Variants in CERKL observed in about 807,000 individuals in gnomAD.
CERKL encodes the protein ceramide kinase-like protein.
A neutral mutation model predicts 63.4 loss-of-function variants in CERKL; 61 were observed. The ratio of observed to expected loss-of-function variants is 0.96; its 90% CI spans 0.78 to 1.19. CERKL has a LOEUF of 1.19. CERKL is among the 50% of genes most tolerant of loss of function. The pLI, the probability that CERKL is intolerant of heterozygous loss-of-function variation, is 0.00. For missense variants in CERKL, 675 were observed against 655.5 expected (o/e 1.03, Z -0.33); for synonymous variants, 250 against 230.5 (o/e 1.08, Z -0.77).
chr2:181,542,982 A>C (rs1013927110), intron 11 of CERKL, among the ~76,000 whole-genome samples: 1 of 152,228 alleles, frequency 6.6e-6, no homozygotes, highest in African/African-American at 2.4e-5. Context: ...GACCTTCCAT[A>C]AACAATTTGT....
chr2:181,613,589 AC>A (rs1294806746), intron 1 of CERKL, among the ~76,000 whole-genome samples: 1 of 152,184 alleles, frequency 6.6e-6, no homozygotes, highest in East Asian at 1.9e-4. Flanking sequence ...AAAAAGAAAA[AC>A]TGTAGGCTTA....
chr2:181,565,401 T>C (rs1688619104), intron 4 of CERKL: 1 of 1,547,984 alleles, frequency 6.5e-7, no homozygotes, highest in African/African-American at 1.4e-5. Context: ...CACCTAATTT[T>C]AAAAAATGGC....
At chr2:181,543,254 T>A (rs745559477) in intron 11 of CERKL, among the ~76,000 whole-genome samples, 1 of 152,248 alleles carries the variant, frequency 6.6e-6, no homozygotes, top group African/African-American at 2.4e-5. Flanking sequence ...TATAGTGCTT[T>A]GGGTTTTTTA....
At chr2:181,551,339 C>G (rs1056906143) in intron 5 of CERKL, among the ~76,000 whole-genome samples, 1 of 151,698 alleles carries the variant, frequency 6.6e-6, no homozygotes, top group Non-Finnish European at 1.5e-5. Flanking sequence ...GAAAACAATC[C>G]CTGCACAGCA....
chr2:181,580,566 G>T (rs1684459954), intron 2 of CERKL, among the ~76,000 whole-genome samples: 1 of 151,984 alleles, frequency 6.6e-6, no homozygotes, highest in Non-Finnish European at 1.5e-5. Flanking sequence ...CATAATAAAG[G>T]ACATTCCTGT....
At chr2:181,651,119 T>C (rs1027623284) in intron 1 of CERKL, among the ~76,000 whole-genome samples, 1 of 152,196 alleles carries the variant, frequency 6.6e-6, no homozygotes, top group African/African-American at 2.4e-5. Flanking sequence ...CCAATATCAA[T>C]TCCTCTCAAA....
chr2:181,613,933 C>A (rs1686080779), intron 1 of CERKL, among the ~76,000 whole-genome samples: 1 of 152,164 alleles, frequency 6.6e-6, no homozygotes, highest in Non-Finnish European at 1.5e-5. Context: ...AAATTGTTTT[C>A]TCACTCTGAA....
At chr2:181,649,549 C>G (rs1189636614) in intron 1 of CERKL, 5 of 152,140 alleles carry the variant, frequency 3.3e-5, no homozygotes, top group African/African-American at 1.2e-4. Context: ...TAAGCTGAAC[C>G]ATAGACCAAA....
At chr2:181,644,219 G>A (rs1161026265) in intron 1 of CERKL, among the ~76,000 whole-genome samples, 6 of 152,218 alleles carry the variant, frequency 3.9e-5, no homozygotes, top group Non-Finnish European at 1.5e-5. Flanking sequence ...GCCCCACTGG[G>A]CACAGCACTT....
chr2:181,559,771 G>A (rs142311323), intron 4 of CERKL, among the ~76,000 whole-genome samples: 151 of 152,286 alleles, frequency 9.9e-4, no homozygotes, highest in African/African-American at 3.5e-3. Context: ...AAGCTCTGGA[G>A]GGTGGTGACC....
intron 1 of CERKL, among the ~76,000 whole-genome samples, chr2:181,616,058 T>A (rs939579953): frequency 2.0e-5 from 3 of 152,086 alleles, no homozygotes; most frequent in Non-Finnish European, 4.4e-5. Flanking sequence ...TAAAAAATAG[T>A]GAATTTCCAA....
intron 5 of CERKL, among the ~76,000 whole-genome samples, chr2:181,556,521 G>A (rs1322767017): frequency 1.3e-5 from 2 of 151,856 alleles, no homozygotes; most frequent in African/African-American, 4.8e-5. Context: ...GTGATGGTTT[G>A]CTGAGAATGA....
chr2:181,604,152 C>T, intron 1 of CERKL, 73 bp from the exon 2 acceptor site: 1 of 1,263,300 alleles, frequency 7.9e-7, no homozygotes, highest in Non-Finnish European at 1.1e-6. Context: ...CTGGGGCTTA[C>T]CAGAGGGTAG....
At position 181,558,279 on chromosome 2, in the gene CERKL, T is replaced by C. The variant is rs1012849821; in HGVS notation, c.820+287A>G. On this transcript the variant is annotated intron_variant, in intron 5 of 12. Coordinates refer to ENST00000410087, the MANE Select transcript of CERKL (RefSeq NM_201548.5). This position sits in a 1 kb window ranked among gnomAD's most constrained non-coding sequence, Gnocchi z 4.2. The stretch of plus-strand genomic sequence containing the variant: ...GAATAATAACCATTCCATATACTGA[T>C]GGTTTAACTATATATTAAACCCTTT... 1.3e-5 allele frequency among the ~76,000 whole-genome samples: 2 copies of C among 152,306 alleles called. No individual in the cohort carries two copies. The highest frequency in any genetic ancestry group is 4.8e-5 in the African/African-American group (2 of 41,566).
In CERKL at chr2:181,537,830, AC is replaced by A; in HGVS notation, c.*353del. On this transcript the variant is annotated 3_prime_UTR_variant, in exon 13 of 13. Coordinates refer to ENST00000410087, the MANE Select transcript of CERKL (RefSeq NM_201548.5). ...AAGCCCTAGAGGCTAATTGTTAGTA[AC>A]ATCAATTTCTATTAGGATATCCGTT... is the stretch of plus-strand genomic sequence containing the variant. The A allele has an allele frequency of 2.1e-6, 1 of 483,954 alleles. No individual in the cohort carries two copies. Among genetic ancestry groups the A allele is most frequent in the Non-Finnish European group, 4.1e-6 (1 of 246,812 alleles). The allele number at this position is 483,954 out of a possible 1,614,324, so 30.0% of individuals were successfully genotyped here.
chr2:181,622,491 A>C (rs575587441), intron 1 of CERKL, among the ~76,000 whole-genome samples: 1 of 152,352 alleles, frequency 6.6e-6, no homozygotes, highest in South Asian at 2.1e-4. Flanking sequence ...CTATATTTAA[A>C]AGAACATTTT....
At chr2:181,538,692 G>GTAAT (rs1177503640) in intron 12 of CERKL, among the ~76,000 whole-genome samples, 1 of 152,116 alleles carries the variant, frequency 6.6e-6, no homozygotes, top group Non-Finnish European at 1.5e-5. Flanking sequence ...ACATGTTACA[G>GTAAT]TAATTATGAG....
At chr2:181,597,511 G>A (rs970674880) in intron 2 of CERKL, among the ~76,000 whole-genome samples, 1 of 152,216 alleles carries the variant, frequency 6.6e-6, no homozygotes, top group African/African-American at 2.4e-5. Flanking sequence ...CCCATGGGAA[G>A]AAGCTGGGGT....
chr2:181,652,901 A>G (rs1336190036), intron 1 of CERKL, among the ~76,000 whole-genome samples: 3 of 152,050 alleles, frequency 2.0e-5, no homozygotes, highest in Non-Finnish European at 4.4e-5. Context: ...CAGCCTCCCA[A>G]GTAGCTGTGA....
Sources: gnomAD v4.1 joint callset for allele counts (sites outside exome capture counted in the v4.1 genomes callset) on GRCh38, gnomAD v4.1.1 for gene constraint, Gnocchi (gnomAD v3.1) non-coding constraint, MANE v1.5 for transcripts, NCBI Gene and HGNC (gene_info 2026-07-23, HGNC 2026-07-21) for gene names.